ERBB4: variants seen among roughly 807,000 people sequenced by gnomAD.
The protein encoded by ERBB4 is receptor tyrosine-protein kinase erbB-4.
Under a neutral mutation model 158.0 loss-of-function variants are expected in ERBB4, and 42 were observed. The observed-to-expected ratio is 0.27, with a 90% CI of 0.21 to 0.34. The LOEUF is 0.34. ERBB4 is among the 10% of genes least tolerant of loss of function. ERBB4 has a pLI of 1.00. For missense variants in ERBB4, 1,333 were observed against 1,624.1 expected, an observed-to-expected ratio of 0.82 and a Z score of 3.08; for synonymous variants, 583 against 558.7, an observed-to-expected ratio of 1.04 and a Z score of -0.61.
intron 2 of ERBB4, among the ~76,000 whole-genome samples, chr2:212,016,707 G>C (rs1455587084): frequency 1.3e-5 from 2 of 151,942 alleles, no homozygotes; most frequent in Non-Finnish European, 2.9e-5. Context: ...CAGTTAATAA[G>C]CTTTTTACAT....
In ERBB4 at chr2:211,895,840, A is replaced by C. The variant is rs185352800; in HGVS notation, c.421+51590T>G. On this transcript the variant is annotated intron_variant, in intron 3 of 27. Transcript: ENST00000342788. ...ACAGCTCTTGTTAGGGTCACAAATG[A>C]CATTGACATTGCTGAGTCCATAGGA... Among the ~76,000 whole-genome samples, 9 of 152,260 alleles carry C rather than the reference A, an allele frequency of 5.9e-5. No homozygotes were observed. In the East Asian group the frequency reaches 1.7e-3, roughly 29 times the overall value.
At chr2:211,428,710 T>C (rs958305916) in intron 21 of ERBB4, among the ~76,000 whole-genome samples, 1 of 152,086 alleles carries the variant, frequency 6.6e-6, no homozygotes, top group South Asian at 2.1e-4. Context: ...ACTATACTTA[T>C]TCATTTTTTA....
intron 2 of ERBB4, among the ~76,000 whole-genome samples, chr2:212,094,007 T>C (rs2078855559): frequency 6.6e-6 from 1 of 152,022 alleles, no homozygotes; most frequent in Non-Finnish European, 1.5e-5. Context: ...AAATGAATAG[T>C]AAGATAACTT....
intron 1 of ERBB4, among the ~76,000 whole-genome samples, chr2:212,413,134 ATTTTTTTT>A (rs370397826): frequency 2.0e-5 from 2 of 101,256 alleles, no homozygotes; most frequent in Admixed American, 1.2e-4. Flanking sequence ...TGCGTGGCTA[ATTTTTTTT>A]TTTTTTTTTT....
chr2:211,499,535 AAAACAAAGC>A (rs2065563429), intron 20 of ERBB4, among the ~76,000 whole-genome samples: 1 of 152,084 alleles, frequency 6.6e-6, no homozygotes, highest in Non-Finnish European at 1.5e-5. Flanking sequence ...AAAACAAAAC[AAAACAAAGC>A]AAACAAACAA....
At chr2:211,772,810 T>TATATATATATATATATATATATACAC (rs2075727180) in intron 4 of ERBB4, among the ~76,000 whole-genome samples, 1 of 9,224 alleles carries the variant, frequency 1.1e-4, no homozygotes, top group Non-Finnish European at 2.1e-4. Flanking sequence ...CATACTGGGA[T>TATATATATATATATATATATATACAC]ATATATATAT....
Position 211,630,474 on chromosome 2 carries a change from G to T in ERBB4, c.2067C>A (p.Phe689Leu), listed in dbSNP as rs2125872446. The T allele has an allele frequency of 6.2e-7, 1 of 1,613,464 alleles. No individual in the cohort carries two copies. Among genetic ancestry groups the T allele is most frequent in the South Asian group, 1.1e-5 (1 of 91,062 alleles). Residue 689 changes from phenylalanine to leucine, a missense_variant, in exon 17 of 28, where the codon TTC becomes TTA. This residue lies in a region of ERBB4 where 314 missense variants were observed against 437.6 expected (regional missense o/e 0.72). Transcript: ENST00000342788. ...SIKKKRALRR[F>L]LETELVEPLT... ...AGAAATACCTCACCTCTGTTTCCAA[G>T]AATCTTCTCAAGGCTCTTTTCTTTT...
intron 20 of ERBB4, among the ~76,000 whole-genome samples, chr2:211,522,235 C>A (rs1249012673): frequency 6.6e-6 from 1 of 152,110 alleles, no homozygotes; most frequent in Non-Finnish European, 1.5e-5. Flanking sequence ...AAAAGAGCAA[C>A]ATTAACAGGA....
chr2:212,511,669 G>C (rs1691527585), intron 1 of ERBB4, among the ~76,000 whole-genome samples: 1 of 152,076 alleles, frequency 6.6e-6, no homozygotes, highest in South Asian at 2.1e-4. Context: ...CAACTTAAAG[G>C]AAGAGGAATA....
intron 1 of ERBB4, among the ~76,000 whole-genome samples, chr2:212,175,633 G>A (rs1290465801): frequency 6.6e-6 from 1 of 150,566 alleles, no homozygotes. Flanking sequence ...CTGGTAGGAT[G>A]GAGTAAGTAA....
At chr2:212,031,938 A>G (rs1440228325) in intron 2 of ERBB4, among the ~76,000 whole-genome samples, 1 of 152,102 alleles carries the variant, frequency 6.6e-6, no homozygotes, top group Non-Finnish European at 1.5e-5. Context: ...TGGTGAGTTT[A>G]GAGTAGGAGT....
At chr2:211,795,595 C>G (rs1199644700) in intron 3 of ERBB4, among the ~76,000 whole-genome samples, 1 of 151,662 alleles carries the variant, frequency 6.6e-6, no homozygotes, top group Non-Finnish European at 1.5e-5. Flanking sequence ...ATCAGGGAGC[C>G]CCATTCTATT....
chr2:211,482,425 T>C (rs1487443706), intron 20 of ERBB4, among the ~76,000 whole-genome samples: 1 of 152,158 alleles, frequency 6.6e-6, no homozygotes, highest in Non-Finnish European at 1.5e-5. Context: ...TAACAAAGCT[T>C]TTTTAAAAGC....
At chr2:212,376,996 T>C (rs1293522602) in intron 1 of ERBB4, among the ~76,000 whole-genome samples, 1 of 151,906 alleles carries the variant, frequency 6.6e-6, no homozygotes, top group Non-Finnish European at 1.5e-5. Context: ...AGACACAGAA[T>C]TGTTGGGAGA....
At chr2:212,280,965 A>C (rs1559915371) in intron 1 of ERBB4, among the ~76,000 whole-genome samples, 1 of 151,694 alleles carries the variant, frequency 6.6e-6, no homozygotes, top group Admixed American at 6.6e-5. Context: ...TGTACTGTCT[A>C]TACTCCGTCT....
chr2:212,481,935 T>A (rs948917795), intron 1 of ERBB4, among the ~76,000 whole-genome samples: 4 of 152,196 alleles, frequency 2.6e-5, no homozygotes, highest in Admixed American at 6.5e-5. Flanking sequence ...TGCTTTTAAG[T>A]CTTCTCTATA....
chr2:212,031,483 T>C (rs1172632302), intron 2 of ERBB4, among the ~76,000 whole-genome samples: 1 of 152,130 alleles, frequency 6.6e-6, no homozygotes, highest in African/African-American at 2.4e-5. Flanking sequence ...AAAGCTTTTT[T>C]AAAAATGCAG....
At chr2:211,660,791 T>C (rs1352648440) in intron 15 of ERBB4, among the ~76,000 whole-genome samples, 2 of 152,152 alleles carry the variant, frequency 1.3e-5, no homozygotes, top group East Asian at 3.9e-4. Flanking sequence ...ACCCCAACAG[T>C]ATATGACATA....
At chr2:211,889,414 A>T (rs892993314) in intron 3 of ERBB4, among the ~76,000 whole-genome samples, 1 of 147,276 alleles carries the variant, frequency 6.8e-6, no homozygotes, top group African/African-American at 2.6e-5. Flanking sequence ...ACCATCATCA[A>T]AGACCAAAAG....
Sources: gnomAD v4.1 joint callset for allele counts (sites outside exome capture counted in the v4.1 genomes callset) on GRCh38, gnomAD v4.1.1 for gene constraint, gnomAD v4.1.1 regional missense constraint, MANE v1.5 for transcripts, NCBI Gene and HGNC (gene_info 2026-07-23, HGNC 2026-07-21) for gene names.